TBC1D13: variants seen among roughly 807,000 people sequenced by gnomAD.
TBC1D13 encodes the protein TBC1 domain family member 13, also known as epididymis secretory sperm binding protein.
Under a neutral mutation model 53.6 loss-of-function variants are expected in TBC1D13, and 40 were observed. That is an observed-to-expected ratio of 0.75 (90% CI 0.58 to 0.97). The LOEUF (loss-of-function observed/expected upper bound fraction) is 0.97, where lower values mean the gene tolerates loss of function less well. Ranked by LOEUF, TBC1D13 falls within the 50% of genes least tolerant of loss-of-function variation. The pLI, the probability that TBC1D13 is intolerant of heterozygous loss-of-function variation, is 0.00. For synonymous variants in TBC1D13, 182 were observed against 197.7 expected (o/e 0.92, Z 0.67); for missense variants, 377 against 499.4 (o/e 0.75, Z 2.34).
chr9:128,806,078 A>AC, intron 10 of TBC1D13, 59 bp downstream of exon 10: 1 of 1,596,046 alleles, frequency 6.3e-7, no homozygotes, highest in Non-Finnish European at 8.6e-7. Context: ...GAAGCCAGAC[A>AC]GGAGGACCCT....
intron 9 of TBC1D13, among the ~76,000 whole-genome samples, chr9:128,805,588 C>A (rs1291901695): frequency 2.0e-5 from 3 of 152,214 alleles, no homozygotes; most frequent in Non-Finnish European, 4.4e-5. Context: ...TTTGAGCCAT[C>A]ATTTATAAAT....
At chr9:128,797,796 C>T (rs1047934800) in intron 7 of TBC1D13, among the ~76,000 whole-genome samples, 2 of 152,068 alleles carry the variant, frequency 1.3e-5, no homozygotes, top group Non-Finnish European at 2.9e-5. Flanking sequence ...GAGCCAGACC[C>T]TGTCTCAAAA....
At chr9:128,787,910 A>G (rs1265828217) in intron 1 of TBC1D13, among the ~76,000 whole-genome samples, 2 of 152,090 alleles carry the variant, frequency 1.3e-5, no homozygotes, top group Admixed American at 6.6e-5. Context: ...ATTTGTGAGC[A>G]TGGTCCATTG....
At chr9:128,796,147 G>A (rs189991665) in intron 6 of TBC1D13, among the ~76,000 whole-genome samples, 1 of 152,280 alleles carries the variant, frequency 6.6e-6, no homozygotes, top group African/African-American at 2.4e-5. Context: ...GAGCGCAGTG[G>A]CGCGATCTTG....
intron 5 of TBC1D13, 147 bp from the exon 6 acceptor site, chr9:128,792,345 T>A (rs1364317756): frequency 1.5e-6 from 1 of 665,002 alleles, no homozygotes. Context: ...TGTTGGCTCC[T>A]CTGAGTATCT....
chr9:128,801,046 A>G (rs1395676091), intron 7 of TBC1D13, among the ~76,000 whole-genome samples: 1 of 152,128 alleles, frequency 6.6e-6, no homozygotes, highest in African/African-American at 2.4e-5. Context: ...GGTGGTGAGC[A>G]CCTATAATCT....
In TBC1D13 at chr9:128,808,785, C is replaced by T. The variant is rs61396367; in HGVS notation, c.*906C>T. 7,974 of 152,054 alleles carry T rather than the reference C, an allele frequency of 0.052. 239 individuals carry two copies. Among genetic ancestry groups the T allele is most frequent in the East Asian group, 0.1 (535 of 5,136 alleles). 9.4% of individuals were successfully genotyped at this position (152,054 alleles called of 1,614,324 possible). A position where few individuals can be genotyped will look rare whatever the true frequency, so the allele number is the denominator to read the frequency against. ...TCCTCCCAACTGGGAGGGAGTCCTC[C>T]GTGCCTCACTTAGAGGGTTCTGAAC... On this transcript the variant is annotated 3_prime_UTR_variant, in exon 12 of 12. Transcript: ENST00000372648.
rs767935429 is a variant in TBC1D13 at position 128,805,955 on chromosome 9, G to C, written c.1015G>C (p.Asp339His). 1 of 1,614,202 alleles carries C rather than the reference G, an allele frequency of 6.2e-7. No individual in the cohort carries two copies. Among genetic ancestry groups the C allele is most frequent in the East Asian group, 2.2e-5 (1 of 44,888 alleles). The change falls in exon 10 of 12, where the codon GAC becomes CAC. Residue 339 changes from aspartate to histidine, a missense_variant. Asp to His is a moderately conservative substitution (Grantham distance 81). Coordinates refer to ENST00000372648, the MANE Select transcript of TBC1D13 (RefSeq NM_018201.5). Reference protein sequence around the residue: ...FLLPDVIRIWDSLFADDNRFD... With the variant: ...FLLPDVIRIWHSLFADDNRFD... The stretch of plus-strand genomic sequence containing the variant: ...GCTGCCTGACGTCATCCGCATCTGG[G>C]ACTCCCTCTTCGCCGATGACAACCG...
At chr9:128,796,594 G>A (rs1829635442) in intron 6 of TBC1D13, among the ~76,000 whole-genome samples, 2 of 151,894 alleles carry the variant, frequency 1.3e-5, no homozygotes, top group Middle Eastern at 3.4e-3. Context: ...CATGTTGGCC[G>A]GGCTGGTCTC....
rs1202179014 is a variant in TBC1D13, at chr9:128,791,399, C to G, written c.158C>G (p.Pro53Arg). Residue 53 changes from proline (P) to arginine (R), a missense_variant, in exon 4 of 12, where the codon CCC (proline) becomes CGC (arginine). By Grantham distance (103) the Pro-to-Arg change is moderately radical. Coordinates refer to ENST00000372648, the MANE Select transcript of TBC1D13 (RefSeq NM_018201.5). ...GTGCAGATTCTCTTGAACTACCTTCCCTTGGAGAGAGCCTCATGGACCTCC... is the reference window on the plus strand; with the variant it reads ...GTGCAGATTCTCTTGAACTACCTTCGCTTGGAGAGAGCCTCATGGACCTCC... ...LCWKILLNYL[P>R]LERASWTSIL... The G allele has an allele frequency of 6.2e-7, 1 of 1,614,180 alleles. No individual in the cohort carries two copies. The highest frequency in any genetic ancestry group is 2.2e-5 in the East Asian group (1 of 44,886).
chr9:128,800,693 A>G (rs1034453896), intron 7 of TBC1D13, among the ~76,000 whole-genome samples: 6 of 152,140 alleles, frequency 3.9e-5, no homozygotes, highest in African/African-American at 1.4e-4. Flanking sequence ...TCAAACATTC[A>G]GGAAAGTTGA....
At chr9:128,788,432 C>G in intron 2 of TBC1D13, 25 bp downstream of exon 2, 2 of 1,609,534 alleles carry the variant, frequency 1.2e-6, no homozygotes, top group Non-Finnish European at 1.7e-6. Flanking sequence ...TGTATTTTCA[C>G]GGTTTCCCTA....
At chr9:128,792,604 G>A (rs1829555229) in intron 6 of TBC1D13, 30 bp downstream of exon 6, 4 of 1,602,638 alleles carry the variant, frequency 2.5e-6, no homozygotes, top group Non-Finnish European at 3.4e-6. Context: ...CCGGGAGCTG[G>A]CCCATGGGAC....
At chr9:128,801,587 G>A (rs1278268506) in intron 7 of TBC1D13, among the ~76,000 whole-genome samples, 1 of 151,646 alleles carries the variant, frequency 6.6e-6, no homozygotes, top group Non-Finnish European at 1.5e-5. Context: ...GCTAAGGCAG[G>A]AGAATCACTT....
At chr9:128,805,650 T>C (rs981565626) in intron 9 of TBC1D13, among the ~76,000 whole-genome samples, 13 of 152,164 alleles carry the variant, frequency 8.5e-5, no homozygotes, top group Admixed American at 3.9e-4. Context: ...CTTTAAAAAA[T>C]AGGAAGATCT....
At chr9:128,799,945 C>T (rs1435130218) in intron 7 of TBC1D13, among the ~76,000 whole-genome samples, 5 of 152,276 alleles carry the variant, frequency 3.3e-5, no homozygotes, top group Non-Finnish European at 2.9e-5. Flanking sequence ...GGCGTGAACC[C>T]GGGAGGCAGA....
chr9:128,800,401 C>T (rs1375786987), intron 7 of TBC1D13, among the ~76,000 whole-genome samples: 3 of 122,510 alleles, frequency 2.4e-5, no homozygotes, highest in African/African-American at 6.9e-5. Context: ...GAGACAGTCT[C>T]GCTGTTTCTT....
In TBC1D13 at chr9:128,788,491, C is replaced by A. The variant is rs1829471117; in HGVS notation, c.97+84C>A. ...AGGGGGAGGCCACACCTGGTCAGCT[C>A]TGGGGCCCAGCTGCTGGGGGCTGGG... On this transcript the variant is annotated intron_variant, in intron 2 of 11. Transcript: ENST00000372648. 4 of 1,271,236 alleles carry A rather than the reference C, an allele frequency of 3.1e-6. No homozygotes were observed. In the South Asian group the frequency reaches 3.7e-5, roughly 12 times the overall value. 78.7% of individuals were successfully genotyped at this position (1,271,236 alleles called of 1,614,324 possible). A position where few individuals can be genotyped will look rare whatever the true frequency, so the allele number is the denominator to read the frequency against.
intron 9 of TBC1D13, among the ~76,000 whole-genome samples, chr9:128,804,977 C>G (rs971787947): frequency 3.3e-5 from 5 of 151,906 alleles, no homozygotes; most frequent in African/African-American, 1.2e-4. Context: ...GATCCGCCTA[C>G]CTCCCTCTCC....
Sources: gnomAD v4.1 joint callset for allele counts (sites outside exome capture counted in the v4.1 genomes callset) on GRCh38, gnomAD v4.1.1 for gene constraint, MANE v1.5 for transcripts, NCBI Gene and HGNC (gene_info 2026-07-23, HGNC 2026-07-21) for gene names.